The following MDGA2 variants were observed in gnomAD, a reference collection of about 807,000 sequenced individuals.
The protein encoded by MDGA2 is MAM domain-containing glycosylphosphatidylinositol anchor protein 2.
Under a neutral mutation model 117.8 loss-of-function variants are expected in MDGA2, and 40 were observed. The observed-to-expected ratio is 0.34, with a 90% CI of 0.26 to 0.44. The LOEUF (loss-of-function observed/expected upper bound fraction) is 0.44. Among genes scored for constraint, MDGA2 ranks in the 20% least tolerant of loss-of-function variants. The probability of loss-of-function intolerance (pLI) is 1.00; values close to 1 mark genes in which losing one functional copy is unlikely to be tolerated. For missense variants in MDGA2, 1,123 were observed against 1,250.6 expected, an observed-to-expected ratio of 0.90 and a Z score of 1.54; for synonymous variants, 452 against 439.0, an observed-to-expected ratio of 1.03 and a Z score of -0.37.
chr14:47,301,256 A>G (rs998866607), intron 2 of MDGA2, among the ~76,000 whole-genome samples, 155 bp downstream of exon 2: 1 of 149,880 alleles, frequency 6.7e-6, no homozygotes, highest in Non-Finnish European at 1.5e-5. Context: ...TTGCACATAT[A>G]CTTGCACTTG....
intron 1 of MDGA2, among the ~76,000 whole-genome samples, chr14:47,330,669 T>A (rs1262550566): frequency 6.6e-6 from 1 of 151,654 alleles, no homozygotes; most frequent in Admixed American, 6.6e-5. Flanking sequence ...AATATTATAA[T>A]AAAGCTATAT....
At chr14:47,217,804 A>T (rs1479805022) in intron 3 of MDGA2, among the ~76,000 whole-genome samples, 1 of 152,092 alleles carries the variant, frequency 6.6e-6, no homozygotes, top group Non-Finnish European at 1.5e-5. Context: ...ATTGTTCCTA[A>T]GTGTTCCATA....
chr14:46,854,284 T>C (rs1158037646), intron 15 of MDGA2, among the ~76,000 whole-genome samples: 5 of 151,706 alleles, frequency 3.3e-5, no homozygotes, highest in East Asian at 1.9e-4. Flanking sequence ...GTATAAGATA[T>C]ATGTCATAGA....
At chr14:46,923,447 G>A (rs1246912011) in intron 9 of MDGA2, among the ~76,000 whole-genome samples, 10 of 151,876 alleles carry the variant, frequency 6.6e-5, no homozygotes, top group East Asian at 1.9e-4. Context: ...AATAAGATCC[G>A]TTACTTTTTT....
chr14:47,034,552 G>A (rs189747482), intron 8 of MDGA2, among the ~76,000 whole-genome samples: 147 of 152,174 alleles, frequency 9.7e-4, no homozygotes, highest in Non-Finnish European at 1.8e-3. Context: ...GCAAAGAGAT[G>A]CTTGAAATAG....
At chr14:47,014,420 T>C (rs1006852642) in intron 8 of MDGA2, among the ~76,000 whole-genome samples, 4 of 152,224 alleles carry the variant, frequency 2.6e-5, no homozygotes, top group Admixed American at 6.5e-5. Flanking sequence ...TGTCCTGCTA[T>C]GAAAATCCTA....
At chr14:47,517,864 AAAG>A (rs1259071513) in intron 1 of MDGA2, among the ~76,000 whole-genome samples, 1 of 152,232 alleles carries the variant, frequency 6.6e-6, no homozygotes, top group Admixed American at 6.5e-5. Context: ...ATTTTAATAT[AAAG>A]AAAAAGTGTG....
intron 2 of MDGA2, among the ~76,000 whole-genome samples, chr14:47,287,703 T>C (rs1888734996): frequency 6.6e-6 from 1 of 152,172 alleles, no homozygotes; most frequent in South Asian, 2.1e-4. Flanking sequence ...TACAGGTTGA[T>C]TATGTGCCCC....
chr14:47,211,838 G>T (rs931392668), intron 3 of MDGA2, among the ~76,000 whole-genome samples: 1 of 152,130 alleles, frequency 6.6e-6, no homozygotes, highest in Non-Finnish European at 1.5e-5. Flanking sequence ...TATTTTCAGG[G>T]TCATTAGCAT....
At chr14:47,585,375 G>A (rs1896304855) in intron 1 of MDGA2, among the ~76,000 whole-genome samples, 1 of 151,828 alleles carries the variant, frequency 6.6e-6, no homozygotes, top group African/African-American at 2.4e-5. Flanking sequence ...TTAAGATCCT[G>A]CTTCTACTGA....
At chr14:47,668,379 C>T (rs553408116) in intron 1 of MDGA2, among the ~76,000 whole-genome samples, 1 of 152,278 alleles carries the variant, frequency 6.6e-6, no homozygotes, top group South Asian at 2.1e-4. Flanking sequence ...CTAATGAATA[C>T]AACTGGACCC....
intron 9 of MDGA2, among the ~76,000 whole-genome samples, chr14:46,923,482 A>G (rs1884210659): frequency 6.6e-6 from 1 of 152,150 alleles, no homozygotes; most frequent in South Asian, 2.1e-4. Flanking sequence ...AGATTAGAAA[A>G]TAAAGTTTTT....
chr14:47,325,577 A>C (rs901805228), intron 1 of MDGA2, among the ~76,000 whole-genome samples: 1 of 152,184 alleles, frequency 6.6e-6, no homozygotes, highest in Non-Finnish European at 1.5e-5. Context: ...ACACGAGGAC[A>C]TGAGGGATTG....
chr14:47,301,655 T>C (rs1889290006), intron 1 of MDGA2, 105 bp from the exon 2 acceptor site: 1 of 1,105,350 alleles, frequency 9.0e-7, no homozygotes. Flanking sequence ...GACTTCACCA[T>C]AGTCAGATTA....
chr14:47,014,908 C>T (rs1488737459), intron 8 of MDGA2, among the ~76,000 whole-genome samples: 2 of 152,150 alleles, frequency 1.3e-5, no homozygotes, highest in Non-Finnish European at 2.9e-5. Flanking sequence ...CTAGCTTTCA[C>T]CCTCTCAGCT....
At chr14:47,645,374 C>T (rs767982533) in intron 1 of MDGA2, among the ~76,000 whole-genome samples, 1 of 151,934 alleles carries the variant, frequency 6.6e-6, no homozygotes, top group Non-Finnish European at 1.5e-5. Context: ...GCTGGGACTA[C>T]AGGCGCATGA....
At chr14:47,596,975 A>G (rs111936109) in intron 1 of MDGA2, among the ~76,000 whole-genome samples, 242 of 152,304 alleles carry the variant, frequency 1.6e-3, no homozygotes, top group African/African-American at 5.5e-3. Context: ...CTTAATCAGT[A>G]GCTAAATAAA....
intron 2 of MDGA2, among the ~76,000 whole-genome samples, chr14:47,237,861 T>A (rs1025699512): frequency 6.6e-6 from 1 of 152,130 alleles, no homozygotes; most frequent in African/African-American, 2.4e-5. Flanking sequence ...TCTTGACCCC[T>A]CTAATCTATG....
intron 7 of MDGA2, among the ~76,000 whole-genome samples, chr14:47,054,768 A>T (rs889339543): frequency 2.0e-5 from 3 of 151,834 alleles, no homozygotes; most frequent in African/African-American, 7.3e-5. Context: ...TTCCCTATTT[A>T]ATAAATGGTG....
Sources: allele counts gnomAD v4.1 joint callset (sites outside exome capture counted in the v4.1 genomes callset), GRCh38; gene constraint gnomAD v4.1.1; transcripts MANE v1.5; gene names NCBI Gene and HGNC (gene_info 2026-07-23, HGNC 2026-07-21).